GRM8: variants seen among roughly 807,000 people sequenced by gnomAD.
The protein encoded by GRM8 is metabotropic glutamate receptor 8.
In GRM8, 47 loss-of-function variants were observed where a neutral mutation model predicts 87.2. The observed-to-expected ratio is 0.54, with a 90% CI of 0.43 to 0.69. The LOEUF (loss-of-function observed/expected upper bound fraction) is 0.69, where lower values mean the gene tolerates loss of function less well. Ranked by LOEUF, GRM8 falls within the 30% of genes least tolerant of loss-of-function variation. The probability of loss-of-function intolerance (pLI) is 0.00; values close to 1 mark genes in which losing one functional copy is unlikely to be tolerated. For missense variants in GRM8, 1,019 were observed against 1,139.2 expected (o/e 0.89, Z 1.52); for synonymous variants, 396 against 404.5 (o/e 0.98, Z 0.25).
chr7:126,804,302 A>C (rs1448504053), intron 6 of GRM8, among the ~76,000 whole-genome samples: 1 of 152,222 alleles, frequency 6.6e-6, no homozygotes, highest in Non-Finnish European at 1.5e-5. Flanking sequence ...TTATCTTTCC[A>C]AATATTCCAA....
At chr7:126,801,056 G>C (rs538634390) in intron 6 of GRM8, among the ~76,000 whole-genome samples, 1 of 151,964 alleles carries the variant, frequency 6.6e-6, no homozygotes, top group African/African-American at 2.4e-5. Context: ...TTATAAATAG[G>C]ATATTCAAAA....
intron 3 of GRM8, among the ~76,000 whole-genome samples, chr7:127,013,559 G>T (rs1182550885): frequency 6.6e-6 from 1 of 152,096 alleles, no homozygotes. Context: ...GCAGTGGGCA[G>T]GGATGAAGAG....
chr7:126,808,042 A>G (rs775290252), intron 6 of GRM8, among the ~76,000 whole-genome samples: 1 of 152,226 alleles, frequency 6.6e-6, no homozygotes, highest in Non-Finnish European at 1.5e-5. Context: ...AAACAGCTAC[A>G]GTAAAAATAG....
At chr7:126,736,715 A>C (rs992258886) in intron 7 of GRM8, among the ~76,000 whole-genome samples, 8 of 152,034 alleles carry the variant, frequency 5.3e-5, no homozygotes, top group Non-Finnish European at 1.2e-4. Flanking sequence ...TATGAAACCA[A>C]ATATGCTTAT....
intron 7 of GRM8, among the ~76,000 whole-genome samples, chr7:126,614,828 A>T (rs934225739): frequency 6.6e-6 from 1 of 152,224 alleles, no homozygotes; most frequent in Admixed American, 6.5e-5. Flanking sequence ...TAGAGAAAAA[A>T]GAGTAAAAAG....
intron 3 of GRM8, among the ~76,000 whole-genome samples, chr7:127,103,761 C>A (rs1825552750): frequency 6.6e-6 from 1 of 152,046 alleles, no homozygotes; most frequent in Non-Finnish European, 1.5e-5. Flanking sequence ...TGTTTTTTTC[C>A]TTCTCCAGCA....
At chr7:126,759,784 A>T (rs1032597901) in intron 7 of GRM8, among the ~76,000 whole-genome samples, 1 of 152,210 alleles carries the variant, frequency 6.6e-6, no homozygotes, top group African/African-American at 2.4e-5. Context: ...TGTACAGTTT[A>T]TATATTTTTA....
intron 9 of GRM8, among the ~76,000 whole-genome samples, chr7:126,494,001 C>T (rs1203441759): frequency 6.6e-6 from 1 of 151,944 alleles, no homozygotes; most frequent in Non-Finnish European, 1.5e-5. Flanking sequence ...GAGCTGCTTC[C>T]TCTCTCTGAT....
chr7:126,961,748 C>T (rs953010303), intron 3 of GRM8, among the ~76,000 whole-genome samples: 5 of 152,206 alleles, frequency 3.3e-5, no homozygotes, highest in African/African-American at 2.4e-5. Context: ...TCACAAGCCT[C>T]GTGGGAGGAG....
chr7:127,228,920 T>C (rs1797510696), intron 2 of GRM8: 1 of 152,214 alleles, frequency 6.6e-6, no homozygotes, highest in Non-Finnish European at 1.5e-5. Context: ...TGTACCACTT[T>C]ACTGGAATGA....
At chr7:127,002,818 G>T (rs527431833) in intron 3 of GRM8, among the ~76,000 whole-genome samples, 1 of 151,644 alleles carries the variant, frequency 6.6e-6, no homozygotes, top group South Asian at 2.1e-4. Context: ...TAAATTTATT[G>T]TGCAGTTTTT....
chr7:126,534,280 C>T (rs2041169), intron 8 of GRM8, among the ~76,000 whole-genome samples: 128,193 of 152,188 alleles, frequency 0.84, 54,361 homozygotes, highest in African/African-American at 0.95. Flanking sequence ...AAACACTGGG[C>T]TAGGATATAA....
chr7:127,233,796 C>G (rs1302956526), intron 2 of GRM8, among the ~76,000 whole-genome samples: 1 of 152,162 alleles, frequency 6.6e-6, no homozygotes, highest in Admixed American at 6.5e-5. Flanking sequence ...CTTGCTGAGC[C>G]TAATGAAGTA....
At chr7:126,921,515 G>A (rs1362509540) in intron 3 of GRM8, among the ~76,000 whole-genome samples, 1 of 151,968 alleles carries the variant, frequency 6.6e-6, no homozygotes, top group Admixed American at 6.6e-5. Flanking sequence ...AAGAAAGGAA[G>A]GGGAAGGAAG....
chr7:126,454,677 C>T (rs1333412311), intron 9 of GRM8, among the ~76,000 whole-genome samples: 1 of 151,478 alleles, frequency 6.6e-6, no homozygotes, highest in South Asian at 2.1e-4. Context: ...AAGTTACAAT[C>T]AGGTCATTTT....
chr7:126,535,822 G>T (rs1210479417), intron 8 of GRM8, among the ~76,000 whole-genome samples: 1 of 152,050 alleles, frequency 6.6e-6, no homozygotes, highest in African/African-American at 2.4e-5. Flanking sequence ...GGAAAGAATG[G>T]AGGCCTCCTG....
At chr7:127,233,767 G>A (rs1457660615) in intron 2 of GRM8, among the ~76,000 whole-genome samples, 1 of 152,198 alleles carries the variant, frequency 6.6e-6, no homozygotes, top group Non-Finnish European at 1.5e-5. Flanking sequence ...GGCCAACATT[G>A]AGAACACATG....
chr7:127,015,064 GAAGAAAGA>G lies in GRM8; in HGVS notation c.727+91424_727+91431del, dbSNP rs200097767. Among the ~76,000 whole-genome samples, 246 of 87,870 alleles carry G rather than the reference GAAGAAAGA, an allele frequency of 2.8e-3. 7 individuals carry two copies. Among genetic ancestry groups the G allele is most frequent in the Non-Finnish European group, 5.0e-3 (183 of 36,544 alleles). 57.6% of individuals were successfully genotyped at this position (87,870 alleles called of 152,430 possible). ...AGAAGAAGAAGAAGAAGAAGAAGAA[GAAGAAAGA>G]AAGAAGGAGAAGAAGGAGAAGAAGG... On this transcript the variant is annotated intron_variant, in intron 3 of 10. Coordinates refer to ENST00000339582, the MANE Select transcript of GRM8 (RefSeq NM_000845.3).
chr7:126,456,450 A>C (rs2150503016), intron 9 of GRM8, among the ~76,000 whole-genome samples: 1 of 144,528 alleles, frequency 6.9e-6, no homozygotes, highest in Non-Finnish European at 1.5e-5. Context: ...AGAGAAGTAA[A>C]CCGGGTATTT....
Sources: gnomAD v4.1 joint callset for allele counts (sites outside exome capture counted in the v4.1 genomes callset) on GRCh38, gnomAD v4.1.1 for gene constraint, MANE v1.5 for transcripts, NCBI Gene and HGNC (gene_info 2026-07-23, HGNC 2026-07-21) for gene names.